The following ITPA variants were observed in gnomAD, a reference collection of about 807,000 sequenced individuals.
ITPA encodes inosine triphosphate pyrophosphatase.
A neutral mutation model predicts 29.6 loss-of-function variants in ITPA; 29 were observed. The ratio of observed to expected loss-of-function variants is 0.98; its 90% CI spans 0.73 to 1.34. The LOEUF is 1.34. Among genes scored for constraint, ITPA ranks in the 40% most tolerant of loss-of-function variants. The probability of loss-of-function intolerance (pLI) is 0.00; values close to 1 mark genes in which losing one functional copy is unlikely to be tolerated. For synonymous variants in ITPA, 103 were observed against 99.3 expected (o/e 1.04, Z -0.22); for missense variants, 241 against 251.5 (o/e 0.96, Z 0.28).
chr20:3,215,596 C>A (rs932421059), intron 5 of ITPA, among the ~76,000 whole-genome samples: 3 of 152,210 alleles, frequency 2.0e-5, no homozygotes, highest in African/African-American at 7.2e-5. Context: ...TAGCCAGGGC[C>A]TGCCCTGGGA....
downstream of ITPA, among the ~76,000 whole-genome samples, chr20:3,227,236 C>T (rs760231413): frequency 1.8e-4 from 27 of 152,194 alleles, no homozygotes; most frequent in Non-Finnish European, 2.9e-4. Context: ...AATGGCCATG[C>T]GAAGGCCTCC....
chr20:3,215,407 G>T, intron 5 of ITPA, 95 bp downstream of exon 5: 1 of 1,137,662 alleles, frequency 8.8e-7, no homozygotes, highest in South Asian at 1.2e-5. Context: ...AGGAGTCCCA[G>T]GTTCTAGCCC....
At chr20:3,204,492 C>G, upstream of ITPA, 1 of 1,530,806 alleles carries the variant, frequency 6.5e-7, no homozygotes, top group Non-Finnish European at 8.8e-7. Context: ...CTCAGAAGGC[C>G]AGAAAACCCG....
chr20:3,221,789 G>A (rs986318542), intron 6 of ITPA, 52 bp from the exon 7 acceptor site: 37 of 1,548,954 alleles, frequency 2.4e-5, no homozygotes, highest in Admixed American at 3.3e-5. Flanking sequence ...TGCCCTCCTC[G>A]TGCTTGTCCT....
chr20:3,206,679 A>C (rs1168869751), upstream of ITPA, among the ~76,000 whole-genome samples: 3 of 151,474 alleles, frequency 2.0e-5, no homozygotes, highest in African/African-American at 4.9e-5. Context: ...AAATACAAAA[A>C]AATTAGCCAG....
Position 3,213,235 on chromosome 20 carries a change from C to T in ITPA, c.124+9C>T. 2 of 1,614,156 alleles carry T rather than the reference C, an allele frequency of 1.2e-6. No individual in the cohort carries two copies. The highest frequency in any genetic ancestry group is 1.7e-6 in the Non-Finnish European group (2 of 1,180,028). On this transcript the variant is annotated intron_variant, in intron 2 of 7. Coordinates refer to ENST00000380113, the MANE Select transcript of ITPA (RefSeq NM_033453.4). ...GGCACAGAAAATTGACCGTATGTCT[C>T]TGTTTTGTTTTATTTTTAAAAGATG...
intron 5 of ITPA, among the ~76,000 whole-genome samples, chr20:3,217,761 G>A (rs1018792481): frequency 6.6e-6 from 1 of 152,148 alleles, no homozygotes; most frequent in Non-Finnish European, 1.5e-5. Context: ...GAGCCACCGA[G>A]TGCAGCCACT....
downstream of ITPA, chr20:3,227,289 G>A (rs942581090): frequency 3.5e-5 from 7 of 200,594 alleles, no homozygotes; most frequent in South Asian, 9.5e-5. Context: ...CCCACTGTGC[G>A]ACGTTGGAGG....
At position 3,213,402 on chromosome 20, in the gene ITPA, T is replaced by C; in HGVS notation, c.189+19T>C. ...TCGCCAGGTGCTTGCCCTGCCCTTG[T>C]CCCACACTTGCTCTTCTTGTCCAGG... On this transcript the variant is annotated intron_variant, in intron 3 of 7. Coordinates refer to ENST00000380113, the MANE Select transcript of ITPA (RefSeq NM_033453.4). 4 of 1,613,430 alleles carry C rather than the reference T, an allele frequency of 2.5e-6. No homozygotes were observed. In the African/African-American group the frequency reaches 5.3e-5, roughly 22 times the overall value.
chr20:3,208,301 G>A (rs1032211278), upstream of ITPA, among the ~76,000 whole-genome samples: 6 of 152,068 alleles, frequency 3.9e-5, no homozygotes, highest in African/African-American at 1.4e-4. Flanking sequence ...CACTCCTCTA[G>A]GGACTCTGCA....
intron 1 of ITPA, among the ~76,000 whole-genome samples, chr20:3,210,315 TTC>T (rs954071143): frequency 6.6e-6 from 1 of 152,216 alleles, no homozygotes; most frequent in African/African-American, 2.4e-5. Flanking sequence ...CTTGTCCTTG[TTC>T]TCTCTGGATG....
chr20:3,213,621 T>G (rs996018119), intron 3 of ITPA, among the ~76,000 whole-genome samples: 1 of 151,840 alleles, frequency 6.6e-6, no homozygotes, highest in Non-Finnish European at 1.5e-5. Context: ...AGACTCCCCT[T>G]CCCCCAAATG....
intron 5 of ITPA, among the ~76,000 whole-genome samples, chr20:3,217,516 C>T (rs2067334754): frequency 6.6e-6 from 1 of 151,962 alleles, no homozygotes; most frequent in Non-Finnish European, 1.5e-5. Flanking sequence ...CTGTGTTGCC[C>T]AGGCTGGAGT....
In ITPA at chr20:3,213,189, T is replaced by C. The variant is rs1304603047; in HGVS notation, c.87T>C (p.Asp29=). The C allele has an allele frequency of 6.2e-7, 1 of 1,614,060 alleles. No individual in the cohort carries two copies. Among genetic ancestry groups the C allele is most frequent in the East Asian group, 2.2e-5 (1 of 44,902 alleles). Residue 29 remains aspartate, a synonymous_variant, in exon 2 of 8, where the codon GAT becomes GAC. Transcript: ENST00000380113. Reference sequence around the variant, plus strand: ...AACAGGTCGTTCAGATTCTAGGAGATAAGTTTCCATGCACTTTGGTGGCAC... The same window carrying C: ...AACAGGTCGTTCAGATTCTAGGAGACAAGTTTCCATGCACTTTGGTGGCAC... ...KLEEVVQILG[D]KFPCTLVAQK...
In ITPA at chr20:3,215,105, G is replaced by A. The variant is rs955970406; in HGVS notation, c.264-176G>A. 61 of 649,246 alleles carry A rather than the reference G, an allele frequency of 9.4e-5. No homozygotes were observed. The East Asian group carries it at 1.2e-3, about 13-fold the overall frequency. The allele number at this position is 649,246 out of a possible 1,614,324, so 40.2% of individuals were successfully genotyped here. A position where few individuals can be genotyped will look rare whatever the true frequency, so the allele number is the denominator to read the frequency against. On this transcript the variant is annotated intron_variant, in intron 4 of 7. Transcript: ENST00000380113. ...TTTTCTCAAACTCCTGAGCTCAAGC[G>A]ATCCGCCTGCCTTAGCCTCCCAAAG...
chr20:3,207,125 C>G (rs902349472), upstream of ITPA, among the ~76,000 whole-genome samples: 5 of 152,132 alleles, frequency 3.3e-5, no homozygotes, highest in Non-Finnish European at 5.9e-5. Context: ...GGGTCTCACT[C>G]ACATCACCCA....
intron 5 of ITPA, among the ~76,000 whole-genome samples, chr20:3,218,012 T>G (rs1246765583): frequency 2.0e-5 from 3 of 151,814 alleles, no homozygotes; most frequent in Non-Finnish European, 2.9e-5. Context: ...CCGCCTCCCT[T>G]GTTCACACCA....
At chr20:3,204,634 G>A (rs377186783), upstream of ITPA, 27 of 1,575,756 alleles carry the variant, frequency 1.7e-5, no homozygotes, top group African/African-American at 3.0e-4. Context: ...CCATGACGAG[G>A]GCCTCAGTGC....
At chr20:3,215,639 TG>T (rs1193120622) in intron 5 of ITPA, among the ~76,000 whole-genome samples, 3 of 152,212 alleles carry the variant, frequency 2.0e-5, no homozygotes, top group African/African-American at 7.2e-5. Context: ...ACCCCAGCAG[TG>T]CATATCCTGT....
Sources: allele counts gnomAD v4.1 joint callset (sites outside exome capture counted in the v4.1 genomes callset), GRCh38; gene constraint gnomAD v4.1.1; transcripts MANE v1.5; gene names NCBI Gene and HGNC (gene_info 2026-07-23, HGNC 2026-07-21).